Variants in TRPM2 observed in about 807,000 individuals in gnomAD.
TRPM2 encodes estrogen-responsive element-associated gene 1 protein.
In TRPM2, 161 loss-of-function variants were observed where a neutral mutation model predicts 174.0. That is an observed-to-expected ratio of 0.93 (90% confidence interval 0.81 to 1.05). TRPM2 has a LOEUF of 1.05. TRPM2 is among the 50% of genes least tolerant of loss of function. TRPM2 has a pLI of 0.00. For missense variants in TRPM2, 2,057 were observed against 2,038.0 expected, an observed-to-expected ratio of 1.01 and a Z score of -0.18; for synonymous variants, 954 against 861.3, an observed-to-expected ratio of 1.11 and a Z score of -1.88.
chr21:44,427,203 C>A, intron 27 of TRPM2, 92 bp downstream of exon 27: 1 of 1,153,928 alleles, frequency 8.7e-7, no homozygotes, highest in Non-Finnish European at 1.2e-6. Context: ...GCATTTTTCT[C>A]ATAAAACAAA....
At position 44,366,996 on chromosome 21, in the gene TRPM2, C is replaced by G; in HGVS notation, c.604+62C>G. Reference sequence around the variant, plus strand: ...GGTGGGGTGGGCTGTGGAGGCAGTGCTGGGGCAATCAGGGCCATCAGGACC... The same window carrying G: ...GGTGGGGTGGGCTGTGGAGGCAGTGGTGGGGCAATCAGGGCCATCAGGACC... On this transcript the variant is annotated intron_variant, in intron 4 of 31. Transcript: ENST00000397928. This position sits in a 1 kb window ranked among gnomAD's most constrained non-coding sequence, Gnocchi z 6.0. 4.0e-6 allele frequency: 6 copies of G among 1,502,116 alleles called. No individual in the cohort carries two copies. The highest frequency in any genetic ancestry group is 5.3e-6 in the Non-Finnish European group (6 of 1,124,838). 93.0% of individuals were successfully genotyped at this position (1,502,116 alleles called of 1,614,324 possible).
intron 19 of TRPM2, among the ~76,000 whole-genome samples, chr21:44,411,850 G>A (rs45494799): frequency 3.9e-5 from 6 of 152,286 alleles, no homozygotes; most frequent in African/African-American, 1.4e-4. Context: ...TTATTCAAAT[G>A]TTCAGATGGT....
chr21:44,418,921 T>C (rs545942990), intron 22 of TRPM2, among the ~76,000 whole-genome samples: 1 of 152,292 alleles, frequency 6.6e-6, no homozygotes, highest in East Asian at 1.9e-4. Flanking sequence ...AGCTTGTTGG[T>C]GCACAGCCTT....
chr21:44,387,107 GC>G (rs2049037926), intron 9 of TRPM2, among the ~76,000 whole-genome samples: 1 of 152,078 alleles, frequency 6.6e-6, no homozygotes, highest in Non-Finnish European at 1.5e-5. Context: ...GATCACTTGA[GC>G]CCAGAAGGTT....
intron 2 of TRPM2, among the ~76,000 whole-genome samples, chr21:44,361,852 A>G (rs4818716): frequency 0.25 from 38,526 of 151,968 alleles, 5,429 homozygotes; most frequent in African/African-American, 0.39. Flanking sequence ...GGGACTACAG[A>G]CATGCACCAC....
Position 44,405,257 on chromosome 21 carries a change from G to T in TRPM2, c.2654G>T (p.Cys885Phe), listed in dbSNP as rs1165034779. 6.2e-7 allele frequency: 1 copy of T among 1,612,678 alleles called. No individual in the cohort carries two copies. Among genetic ancestry groups the T allele is most frequent in the Non-Finnish European group, 8.5e-7 (1 of 1,179,892 alleles). ...TTGCTCTTCGTGGCAGGGCTGACCT[G>T]CAGGTGAGTGGCCTCACCCCGATGG... ...AILLFVAGLT[C>F]RLIPATLYPG... Residue 885 changes from cysteine to phenylalanine, a missense_variant, in exon 17 of 32, where the codon TGC (cysteine) becomes TTC (phenylalanine). Cys to Phe is a radical substitution (Grantham distance 205). Transcript: ENST00000397928.
chr21:44,377,079 C>A (rs958790504), intron 6 of TRPM2, among the ~76,000 whole-genome samples: 2 of 152,162 alleles, frequency 1.3e-5, no homozygotes, highest in African/African-American at 4.8e-5. Flanking sequence ...AGTTCAGGGA[C>A]CACACTTTGA....
Position 44,413,994 on chromosome 21 carries a change from G to A in TRPM2, c.3066G>A (p.Glu1022=). 5.0e-6 allele frequency: 8 copies of A among 1,613,886 alleles called. No individual in the cohort carries two copies. The highest frequency in any genetic ancestry group is 5.9e-6 in the Non-Finnish European group (7 of 1,180,018). ...DATQQRPAFP[E]WLTVLLLCLY... The stretch of plus-strand genomic sequence containing the variant: ...CGCAGCAGAGGCCGGCCTTCCCTGA[G>A]TGGCTGACGGTCCTCCTACTCTGCC... The change falls in exon 20 of 32, where the codon GAG becomes GAA. Residue 1022 remains glutamate, a synonymous_variant. Coordinates refer to ENST00000397928, the MANE Select transcript of TRPM2 (RefSeq NM_003307.4).
Position 44,390,990 on chromosome 21 carries a change from C to T in TRPM2, c.1405C>T (p.Arg469Cys), listed in dbSNP as rs182004440. 47 of 1,614,048 alleles carry T rather than the reference C, an allele frequency of 2.9e-5. No homozygotes were observed. The highest frequency in any genetic ancestry group is 1.7e-4 in the Admixed American group (10 of 60,028). ...AVAWNRVDIARSEIFMDEWQW... is the reference protein window; with the variant it reads ...AVAWNRVDIACSEIFMDEWQW... ...GGCATGGAATCGCGTGGACATTGCC[C>T]GCAGTGAGATCTTCATGGATGAGTG... Residue 469 changes from arginine (R) to cysteine (C), a missense_variant, in exon 10 of 32, where the codon CGC (arginine) becomes TGC (cysteine). Physicochemically the swap from Arg to Cys is radical, Grantham distance 180. Transcript: ENST00000397928.
rs2050649014 is a variant in TRPM2 at position 44,423,996 on chromosome 21, CAG to C, written c.3549+267_3549+268del. Reference sequence around the variant, plus strand: ...TGTGCTCCTCGCTGCTCCCAGGAAACAGAGTGCTTCTCCCCTCCCGGCCTCCA... The same window carrying C: ...TGTGCTCCTCGCTGCTCCCAGGAAACAGTGCTTCTCCCCTCCCGGCCTCCA... On this transcript the variant is annotated intron_variant, in intron 23 of 31. Transcript: ENST00000397928. Among the ~76,000 whole-genome samples the C allele has an allele frequency of 7.9e-5, 12 of 152,226 alleles. No homozygotes were observed. In the South Asian group the frequency reaches 2.5e-3, roughly 32 times the overall value.
At position 44,391,490 on chromosome 21, in the gene TRPM2, G is replaced by T; in HGVS notation, c.1659G>T (p.Ala553=). The T allele has an allele frequency of 6.4e-7, 1 of 1,572,440 alleles. No homozygotes were observed. The highest frequency in any genetic ancestry group is 2.4e-5 in the East Asian group (1 of 41,992). ...DPERPACAPA[A]PRLQMHHVAQ... is the part of the protein sequence containing the mutation. Reference sequence around the variant, plus strand: ...AGCGCCCGGCTTGCGCGCCCGCGGCGCCCCGCCTGCAGATGCACCACGTGG... The same window carrying T: ...AGCGCCCGGCTTGCGCGCCCGCGGCTCCCCGCCTGCAGATGCACCACGTGG... Residue 553 remains alanine, a synonymous_variant, in exon 11 of 32, where the codon GCG becomes GCT. Coordinates refer to ENST00000397928, the MANE Select transcript of TRPM2 (RefSeq NM_003307.4). The surrounding 1 kb of genome is among the most constrained non-coding windows in gnomAD (Gnocchi z 5.0).
At chr21:44,377,008 A>G (rs750251107) in intron 6 of TRPM2, among the ~76,000 whole-genome samples, 2 of 147,898 alleles carry the variant, frequency 1.4e-5, no homozygotes, top group East Asian at 2.0e-4. Context: ...GGGACCAGGG[A>G]CCACACTTTG....
chr21:44,423,830 G>A, intron 23 of TRPM2, 98 bp downstream of exon 23: 2 of 731,300 alleles, frequency 2.7e-6, no homozygotes, highest in Non-Finnish European at 4.4e-6. Context: ...GCTCTGAGGA[G>A]TGATGGTGAG....
intron 9 of TRPM2, among the ~76,000 whole-genome samples, chr21:44,383,776 G>A (rs2048948364): frequency 6.6e-6 from 1 of 152,118 alleles, no homozygotes; most frequent in Non-Finnish European, 1.5e-5. Flanking sequence ...GCCAATGGAT[G>A]AAAGAAGAAA....
chr21:44,428,965 C>T (rs2050931617), intron 27 of TRPM2, among the ~76,000 whole-genome samples: 1 of 152,238 alleles, frequency 6.6e-6, no homozygotes, highest in Non-Finnish European at 1.5e-5. Context: ...GATAGCATGT[C>T]TTTAAACCTG....
Position 44,425,816 on chromosome 21 carries a change from G to T in TRPM2, c.3784G>T (p.Val1262Leu), listed in dbSNP as rs150071509. 1 of 1,575,278 alleles carries T rather than the reference G, an allele frequency of 6.3e-7. No individual in the cohort carries two copies. Among genetic ancestry groups the T allele is most frequent in the Admixed American group, 1.7e-5 (1 of 58,178 alleles). ...GCGCTTCCCCGTGCCCAACGAGAAG[G>T]TGCCCTGGGAGGTGAGCGCCTGCCC... ...VTRFPVPNEK[V>L]PWETEFLIYD... Residue 1262 changes from valine to leucine, a missense_variant, in exon 25 of 32, where the codon GTG becomes TTG. Transcript: ENST00000397928.
intron 27 of TRPM2, among the ~76,000 whole-genome samples, chr21:44,428,160 C>T (rs2050874736): frequency 6.6e-6 from 1 of 152,160 alleles, no homozygotes; most frequent in Non-Finnish European, 1.5e-5. Context: ...ATTATATTTC[C>T]TTAGGTGTGT....
rs868778527 is a variant in TRPM2 at position 44,376,861 on chromosome 21, G to T, written c.952+848G>T. Among the ~76,000 whole-genome samples, 2 of 152,242 alleles carry T rather than the reference G, an allele frequency of 1.3e-5. No individual in the cohort carries two copies. Among genetic ancestry groups the T allele is most frequent in the African/African-American group, 4.8e-5 (2 of 41,456 alleles). ...CCCAGGGTCCAACTCAGCAGCTCCA[G>T]GTGGGCTGAGAACTTGCATTAGGAG... is the stretch of plus-strand genomic sequence containing the variant. On this transcript the variant is annotated intron_variant, in intron 6 of 31. Transcript: ENST00000397928. The surrounding 1 kb of genome is among the most constrained non-coding windows in gnomAD (Gnocchi z 4.2).
chr21:44,385,761 G>A (rs2049000504), intron 9 of TRPM2, among the ~76,000 whole-genome samples: 1 of 152,148 alleles, frequency 6.6e-6, no homozygotes, highest in African/African-American at 2.4e-5. Context: ...GAAGATGAAG[G>A]GGAAGAAAGG....
Sources: gnomAD v4.1 joint callset for allele counts (sites outside exome capture counted in the v4.1 genomes callset) on GRCh38, gnomAD v4.1.1 for gene constraint, Gnocchi (gnomAD v3.1) non-coding constraint, MANE v1.5 for transcripts, NCBI Gene and HGNC (gene_info 2026-07-23, HGNC 2026-07-21) for gene names.